Variants in CDC26 observed in about 807,000 individuals in gnomAD.
The protein encoded by CDC26 is cell division cycle 26.
Under a neutral mutation model 8.0 loss-of-function variants are expected in CDC26, and 2 were observed. That is an observed-to-expected ratio of 0.25 (90% confidence interval 0.10 to 0.79). The LOEUF (loss-of-function observed/expected upper bound fraction) is 0.79, where lower values mean the gene tolerates loss of function less well. Ranked by LOEUF, CDC26 falls within the 30% of genes least tolerant of loss-of-function variation. CDC26 has a pLI of 0.70. For missense variants in CDC26, 68 were observed against 106.0 expected, an observed-to-expected ratio of 0.64 and a Z score of 1.57; for synonymous variants, 19 against 34.9, an observed-to-expected ratio of 0.55 and a Z score of 1.60.
chr9:113,274,123 G>A lies in CDC26; in HGVS notation c.-151-685C>T, dbSNP rs558867983. 2.0e-5 allele frequency among the ~76,000 whole-genome samples: 3 copies of A among 152,226 alleles called. No individual in the cohort carries two copies. In the East Asian group the frequency reaches 5.8e-4, roughly 29 times the overall value. ...TCTTATTTTAACACAAAAACCCTGT[G>A]AAGTTGACAAAATGATTCCTATTTC... is the stretch of plus-strand genomic sequence containing the variant. On this transcript the variant is annotated intron_variant, in intron 1 of 3. Coordinates refer to ENST00000374206, the MANE Select transcript of CDC26 (RefSeq NM_139286.4).
intron 3 of CDC26, among the ~76,000 whole-genome samples, chr9:113,270,165 AAAG>A (rs2118546143): frequency 6.6e-6 from 1 of 152,334 alleles, no homozygotes; most frequent in African/African-American, 2.4e-5. Flanking sequence ...TGGCAAAGAA[AAAG>A]AAAGGGCTTT....
At chr9:113,267,785 G>A (rs1324629331) in intron 3 of CDC26, among the ~76,000 whole-genome samples, 1 of 151,994 alleles carries the variant, frequency 6.6e-6, no homozygotes, top group Non-Finnish European at 1.5e-5. Context: ...TCAGGAGATC[G>A]AGACCACCCT....
Position 113,267,378 on chromosome 9 carries a change from A to G in CDC26, c.143T>C (p.Ile48Thr). 6.2e-7 allele frequency: 1 copy of G among 1,601,978 alleles called. No homozygotes were observed. The highest frequency in any genetic ancestry group is 8.5e-7 in the Non-Finnish European group (1 of 1,175,478). The change falls in exon 4 of 4, where the codon ATT becomes ACT. Residue 48 changes from isoleucine to threonine, a missense_variant. Physicochemically the swap from Ile to Thr is moderately conservative, Grantham distance 89. Transcript: ENST00000374206. ...GCTCTTGGGATCACTGCTAAGCCCA[A>G]TGGCTCCTTCTCCATCACTGCCTCC... ...VVGGSDGEGAIGLSSDPKSRE... is the reference protein window; with the variant it reads ...VVGGSDGEGATGLSSDPKSRE...
Position 113,267,160 on chromosome 9 carries a change from T to A in CDC26, c.*103A>T, listed in dbSNP as rs1423919068. ...GCAGAAGATTTGTCTCTGCAGGAGG[T>A]ACATTCTGCTTGACTGCAAGCACTC... On this transcript the variant is annotated 3_prime_UTR_variant, in exon 4 of 4. Coordinates refer to ENST00000374206, the MANE Select transcript of CDC26 (RefSeq NM_139286.4). 7.9e-6 allele frequency: 5 copies of A among 629,296 alleles called. No homozygotes were observed. The highest frequency in any genetic ancestry group is 1.3e-5 in the Non-Finnish European group (5 of 379,036). The allele number at this position is 629,296 out of a possible 1,614,324, so 39.0% of individuals were successfully genotyped here.
At chr9:113,269,194 C>G (rs1262941763) in intron 3 of CDC26, among the ~76,000 whole-genome samples, 1 of 151,686 alleles carries the variant, frequency 6.6e-6, no homozygotes, top group Admixed American at 6.6e-5. Flanking sequence ...TGTACTCCAG[C>G]CAGGGCGACA....
Position 113,267,405 on chromosome 9 carries a change from A to C in CDC26, c.116T>G (p.Val39Gly). The C allele has an allele frequency of 6.3e-7, 1 of 1,596,236 alleles. No homozygotes were observed. Among genetic ancestry groups the C allele is most frequent in the African/African-American group, 1.4e-5 (1 of 73,786 alleles). Residue 39 changes from valine to glycine, a missense_variant, in exon 4 of 4, where the codon GTA becomes GGA. Coordinates refer to ENST00000374206, the MANE Select transcript of CDC26 (RefSeq NM_139286.4). Reference sequence around the variant, plus strand: ...GGCTCCTTCTCCATCACTGCCTCCTACAACTTCCACATCTTCCTTCTGTTT... The same window carrying C: ...GGCTCCTTCTCCATCACTGCCTCCTCCAACTTCCACATCTTCCTTCTGTTT... ...RKKQKEDVEVVGGSDGEGAIG... is the reference protein window; with the variant it reads ...RKKQKEDVEVGGGSDGEGAIG...
intron 3 of CDC26, 96 bp from the exon 4 acceptor site, chr9:113,267,535 ATAGAGT>A (rs1266675680): frequency 2.5e-5 from 36 of 1,424,414 alleles, no homozygotes; most frequent in Admixed American, 6.7e-5. Context: ...GGGCTAAATG[ATAGAGT>A]TAGGGTGTAA....
At chr9:113,267,481 A>G in intron 3 of CDC26, 42 bp from the exon 4 acceptor site, 1 of 1,571,366 alleles carries the variant, frequency 6.4e-7, no homozygotes, top group Non-Finnish European at 8.6e-7. Flanking sequence ...ACATTCTTTC[A>G]ATTAGCAAAT....
intron 3 of CDC26, among the ~76,000 whole-genome samples, chr9:113,272,177 G>A (rs1418448980): frequency 6.6e-6 from 1 of 152,136 alleles, no homozygotes; most frequent in African/African-American, 2.4e-5. Flanking sequence ...CAGCACTTTG[G>A]GAGGCTGAGG....
At chr9:113,272,368 T>G in intron 3 of CDC26, 59 bp downstream of exon 3, 1 of 1,330,714 alleles carries the variant, frequency 7.5e-7, no homozygotes, top group Non-Finnish European at 1.1e-6. Context: ...GCCACTGTAC[T>G]CCAGCCTGTG....
At chr9:113,271,709 T>C (rs1831959977) in intron 3 of CDC26, among the ~76,000 whole-genome samples, 1 of 152,232 alleles carries the variant, frequency 6.6e-6, no homozygotes, top group Non-Finnish European at 1.5e-5. Context: ...GGTACTTTGT[T>C]ACAGCAGCCA....
intron 1 of CDC26, among the ~76,000 whole-genome samples, 190 bp downstream of exon 1, chr9:113,275,189 TGGA>T (rs1407686290): frequency 9.9e-5 from 15 of 152,232 alleles, no homozygotes; most frequent in Admixed American, 7.2e-4. Flanking sequence ...TTCCGGACCA[TGGA>T]GGAGAACAGT....
chr9:113,275,081 T>C (rs1017169871), intron 1 of CDC26, among the ~76,000 whole-genome samples: 6 of 152,152 alleles, frequency 3.9e-5, no homozygotes, highest in African/African-American at 1.4e-4. Context: ...CGGGTCTTTA[T>C]TTGACTTTGG....
intron 3 of CDC26, among the ~76,000 whole-genome samples, chr9:113,271,934 C>G (rs1472770948): frequency 6.6e-6 from 1 of 152,126 alleles, no homozygotes; most frequent in African/African-American, 2.4e-5. Flanking sequence ...AACTCCTGGG[C>G]TCAAGCAATC....
intron 2 of CDC26, among the ~76,000 whole-genome samples, chr9:113,273,021 T>A (rs1267174392): frequency 6.6e-6 from 1 of 152,208 alleles, no homozygotes; most frequent in Non-Finnish European, 1.5e-5. Flanking sequence ...TATGTGATTA[T>A]TACATTTTTG....
intron 3 of CDC26, among the ~76,000 whole-genome samples, chr9:113,270,477 C>A (rs1831936083): frequency 6.7e-6 from 1 of 149,148 alleles, no homozygotes; most frequent in South Asian, 2.2e-4. Flanking sequence ...AATGATTTTA[C>A]AATAAAAAAA....
At chr9:113,273,699 G>A (rs1831995669) in intron 1 of CDC26, among the ~76,000 whole-genome samples, 1 of 151,690 alleles carries the variant, frequency 6.6e-6, no homozygotes. Context: ...AAAAAAAATA[G>A]CTGGGCTGGT....
In CDC26 at chr9:113,267,362, A is replaced by T. The variant is rs1401937682; in HGVS notation, c.159T>A (p.Asp53Glu). ...DGEGAIGLSSDPKSREQMIND... is the reference protein window; with the variant it reads ...DGEGAIGLSSEPKSREQMIND... ...TGATCATTTGTTCCCGGCTCTTGGG[A>T]TCACTGCTAAGCCCAATGGCTCCTT... The change falls in exon 4 of 4, where the codon GAT becomes GAA. Residue 53 changes from aspartate (D) to glutamate (E), a missense_variant. By Grantham distance (45) the Asp-to-Glu change is conservative. Transcript: ENST00000374206. 6.3e-7 allele frequency: 1 copy of T among 1,599,014 alleles called. No homozygotes were observed. Among genetic ancestry groups the T allele is most frequent in the African/African-American group, 1.4e-5 (1 of 73,784 alleles).
At chr9:113,268,085 T>C (rs988669013) in intron 3 of CDC26, among the ~76,000 whole-genome samples, 2 of 152,138 alleles carry the variant, frequency 1.3e-5, no homozygotes. Flanking sequence ...CTATGACCTA[T>C]GACAGAGAGA....
Sources: allele counts gnomAD v4.1 joint callset (sites outside exome capture counted in the v4.1 genomes callset), GRCh38; gene constraint gnomAD v4.1.1; transcripts MANE v1.5; gene names NCBI Gene and HGNC (gene_info 2026-07-23, HGNC 2026-07-21).